The following RSPRY1 variants were observed in gnomAD, a reference collection of about 807,000 sequenced individuals.
RSPRY1 encodes RING finger and SPRY domain-containing protein 1.
Under a neutral mutation model 73.1 loss-of-function variants are expected in RSPRY1, and 23 were observed. The ratio of observed to expected loss-of-function variants is 0.31; its 90% CI spans 0.23 to 0.45. RSPRY1 has a LOEUF of 0.45. Among genes scored for constraint, RSPRY1 ranks in the 20% least tolerant of loss-of-function variants. RSPRY1 has a pLI of 1.00. For missense variants in RSPRY1, 448 were observed against 698.7 expected, an observed-to-expected ratio of 0.64 and a Z score of 4.05; for synonymous variants, 226 against 251.4, an observed-to-expected ratio of 0.90 and a Z score of 0.95.
intron 8 of RSPRY1, 85 bp from the exon 9 acceptor site, chr16:57,220,647 T>C: frequency 1.3e-6 from 1 of 764,440 alleles, no homozygotes; most frequent in Non-Finnish European, 2.3e-6. Context: ...TTTCTTCCTC[T>C]TGTCTGATTG....
rs1183730569 is a variant in RSPRY1, at chr16:57,235,115, TC to T, written c.1530-8del. 2 of 1,610,642 alleles carry T rather than the reference TC, an allele frequency of 1.2e-6. No individual in the cohort carries two copies. The highest frequency in any genetic ancestry group is 1.7e-6 in the Non-Finnish European group (2 of 1,177,230). On this transcript the variant is annotated splice_polypyrimidine_tract_variant and splice_region_variant and intron_variant, in intron 13 of 14. Transcript: ENST00000394420. ...ACAAAATGTATTTCAAATTGCTTTT[TC>T]TACTCAGGCACAGGCGTCTTGCTCT...
intron 4 of RSPRY1, among the ~76,000 whole-genome samples, chr16:57,211,266 TAAAAA>T (rs531084194): frequency 7.5e-6 from 1 of 133,880 alleles, no homozygotes; most frequent in Non-Finnish European, 1.6e-5. Context: ...TTGTCTCTGT[TAAAAA>T]AAAAAAAAAA....
chr16:57,232,659 A>G (rs1465753072), intron 13 of RSPRY1, among the ~76,000 whole-genome samples: 1 of 152,206 alleles, frequency 6.6e-6, no homozygotes, highest in African/African-American at 2.4e-5. Context: ...GGACATAGTT[A>G]AAATGCTTCA....
intron 6 of RSPRY1, 48 bp from the exon 7 acceptor site, chr16:57,216,059 C>A: frequency 7.3e-7 from 1 of 1,376,442 alleles, no homozygotes; most frequent in Non-Finnish European, 1.0e-6. Context: ...GCCACCTCTG[C>A]AGGGGAATGA....
rs55701001 is a variant in RSPRY1, at chr16:57,202,878, TTATATATATATATATATA to T, written c.-155-1614_-155-1597del. ...TTTATATATATTTTATTACATATGA[TTATATATATATATATATA>T]TATATATATATCTGAAGACTTTCTG... is the stretch of plus-strand genomic sequence containing the variant. On this transcript the variant is annotated intron_variant, in intron 1 of 14. Transcript: ENST00000394420. Among the ~76,000 whole-genome samples the T allele has an allele frequency of 2.2e-4, 29 of 131,634 alleles. 1 individual carries two copies. The East Asian group carries it at 6.0e-3, about 27-fold the overall frequency. 86.4% of individuals were successfully genotyped at this position (131,634 alleles called of 152,430 possible).
In RSPRY1 at chr16:57,217,109, C is replaced by CT. The variant is rs1320702108; in HGVS notation, c.901+76dup. On this transcript the variant is annotated intron_variant, in intron 8 of 14. Coordinates refer to ENST00000394420, the MANE Select transcript of RSPRY1 (RefSeq NM_133368.3). ...TCATTTCTTTCATAGGCTCACTGGT[C>CT]TTCCTTTTGCAATGGTAAGTATGAG... The CT allele has an allele frequency of 2.6e-6, 4 of 1,549,338 alleles. No homozygotes were observed. In the African/African-American group the frequency reaches 5.4e-5, roughly 21 times the overall value.
intron 2 of RSPRY1, among the ~76,000 whole-genome samples, chr16:57,207,280 G>T (rs2146259033): frequency 6.6e-6 from 1 of 151,224 alleles, no homozygotes; most frequent in East Asian, 1.9e-4. Flanking sequence ...ATATCACAAG[G>T]TTATTCTCTG....
At chr16:57,201,331 G>A (rs1185111658) in intron 1 of RSPRY1, among the ~76,000 whole-genome samples, 2 of 144,832 alleles carry the variant, frequency 1.4e-5, no homozygotes, top group Non-Finnish European at 3.0e-5. Flanking sequence ...CGGGGCGGCC[G>A]GGCAGAGACG....
Position 57,216,897 on chromosome 16 carries a change from C to T in RSPRY1, c.770-7C>T. 3 of 1,612,186 alleles carry T rather than the reference C, an allele frequency of 1.9e-6. No homozygotes were observed. The highest frequency in any genetic ancestry group is 2.5e-6 in the Non-Finnish European group (3 of 1,178,500). On this transcript the variant is annotated splice_region_variant and splice_polypyrimidine_tract_variant and intron_variant, in intron 7 of 14. Coordinates refer to ENST00000394420, the MANE Select transcript of RSPRY1 (RefSeq NM_133368.3). ...TGTTAATTCAAGGATTATGTCTTTC[C>T]AAACAGGTGAAAATAAATTGACTAT...
At chr16:57,219,471 G>A (rs921621811) in intron 8 of RSPRY1, among the ~76,000 whole-genome samples, 1 of 152,172 alleles carries the variant, frequency 6.6e-6, no homozygotes, top group Non-Finnish European at 1.5e-5. Flanking sequence ...TTTGAGAAAT[G>A]TCTATTCGGA....
intron 5 of RSPRY1, 106 bp from the exon 6 acceptor site, chr16:57,213,781 TA>T (rs1286055491): frequency 1.2e-6 from 1 of 843,702 alleles, no homozygotes; most frequent in African/African-American, 1.7e-5. Context: ...GAGGCTTTAA[TA>T]AGATAATGTG....
At chr16:57,198,899 A>C (rs1296588108) in intron 1 of RSPRY1, among the ~76,000 whole-genome samples, 6 of 151,998 alleles carry the variant, frequency 3.9e-5, no homozygotes, top group African/African-American at 1.5e-4. Flanking sequence ...TAGTCCTAGG[A>C]CCCTTACCAC....
At chr16:57,215,348 G>A (rs1422787839) in intron 6 of RSPRY1, among the ~76,000 whole-genome samples, 2 of 152,198 alleles carry the variant, frequency 1.3e-5, no homozygotes, top group Admixed American at 1.3e-4. Context: ...GAAATAGAAT[G>A]CTGAATAGGC....
At position 57,199,533 on chromosome 16, in the gene RSPRY1, T is replaced by C. The variant is rs76737062; in HGVS notation, c.-155-4971T>C. Among the ~76,000 whole-genome samples, 1,310 of 152,102 alleles carry C rather than the reference T, an allele frequency of 8.6e-3. 15 individuals carry two copies. The highest frequency in any genetic ancestry group is 0.03 in the African/African-American group (1,252 of 41,470). On this transcript the variant is annotated intron_variant, in intron 1 of 14. Transcript: ENST00000394420. ...TAGTTTGAAAGTATATAATAATAGA[T>C]ATGGAGGCAAACATATGAAGCTTTT...
rs1333800689 is a variant in RSPRY1 at position 57,200,679 on chromosome 16, C to T, written c.-155-3825C>T. 3.5e-3 allele frequency among the ~76,000 whole-genome samples: 147 copies of T among 41,826 alleles called. 5 individuals are homozygous for T. Among genetic ancestry groups the T allele is most frequent in the African/African-American group, 0.014 (135 of 9,902 alleles). The allele number at this position is 41,826 out of a possible 152,430, so 27.4% of individuals were successfully genotyped here. A position where few individuals can be genotyped will look rare whatever the true frequency, so the allele number is the denominator to read the frequency against. ...GCGGGGGGCTGACCCCCCCACCTCC[C>T]TCCCGGACGGGGCGGCTGGCCGGGC... On this transcript the variant is annotated intron_variant, in intron 1 of 14. Transcript: ENST00000394420.
chr16:57,196,034 A>AATATATAT (rs1555499008), intron 1 of RSPRY1, among the ~76,000 whole-genome samples: 16 of 122,796 alleles, frequency 1.3e-4, no homozygotes, highest in African/African-American at 4.2e-4. Flanking sequence ...AAAAAAAAAA[A>AATATATAT]ATATATATAT....
chr16:57,205,549 C>T (rs79819297), intron 2 of RSPRY1, among the ~76,000 whole-genome samples: 11 of 152,302 alleles, frequency 7.2e-5, no homozygotes, highest in African/African-American at 2.6e-4. Flanking sequence ...CACACCTGTA[C>T]CTGTTTTGTC....
intron 5 of RSPRY1, 82 bp from the exon 6 acceptor site, chr16:57,213,806 T>C: frequency 1.9e-6 from 2 of 1,038,010 alleles, no homozygotes; most frequent in Non-Finnish European, 1.5e-6. Context: ...GAAAGAGTTC[T>C]ACCAAAACAA....
chr16:57,225,381 G>C (rs751612887), intron 10 of RSPRY1, among the ~76,000 whole-genome samples: 1 of 152,186 alleles, frequency 6.6e-6, no homozygotes, highest in Non-Finnish European at 1.5e-5. Flanking sequence ...AAGGCAATTA[G>C]ATGCAAGCTC....
Sources: allele counts gnomAD v4.1 joint callset (sites outside exome capture counted in the v4.1 genomes callset), GRCh38; gene constraint gnomAD v4.1.1; transcripts MANE v1.5; gene names NCBI Gene and HGNC (gene_info 2026-07-23, HGNC 2026-07-21).